Variants in CTSS observed in about 807,000 individuals in gnomAD.
CTSS encodes the protein cathepsin S.
A neutral mutation model predicts 39.9 loss-of-function variants in CTSS; 15 were observed. The ratio of observed to expected loss-of-function variants is 0.38; its 90% CI spans 0.25 to 0.58. CTSS has a LOEUF of 0.58. Among genes scored for constraint, CTSS ranks in the 20% least tolerant of loss-of-function variants. The pLI, the probability that CTSS is intolerant of heterozygous loss-of-function variation, is 0.70. For missense variants in CTSS, 250 were observed against 398.2 expected, an observed-to-expected ratio of 0.63 and a Z score of 3.17; for synonymous variants, 126 against 138.2, an observed-to-expected ratio of 0.91 and a Z score of 0.62.
chr1:150,754,869 G>A, intron 4 of CTSS, 132 bp downstream of exon 4: 1 of 945,218 alleles, frequency 1.1e-6, no homozygotes, highest in African/African-American at 1.6e-5. Flanking sequence ...ATTTAGTTGG[G>A]AAGACAAGAA....
At chr1:150,746,642 T>C (rs1178838548) in intron 7 of CTSS, among the ~76,000 whole-genome samples, 3 of 152,156 alleles carry the variant, frequency 2.0e-5, no homozygotes, top group African/African-American at 7.2e-5. Flanking sequence ...GAATAGATTG[T>C]GCCTGAGCTA....
chr1:150,747,819 T>C lies in CTSS; in HGVS notation c.854A>G (p.Tyr285Cys), dbSNP rs1571098600. 1 of 1,613,826 alleles carries C rather than the reference T, an allele frequency of 6.2e-7. No individual in the cohort carries two copies. The highest frequency in any genetic ancestry group is 8.5e-7 in the Non-Finnish European group (1 of 1,179,794). Residue 285 changes from tyrosine (Y) to cysteine (C), a missense_variant, in exon 7 of 8, where the codon TAT (tyrosine) becomes TGT (cysteine). Physicochemically the swap from Tyr to Cys is radical, Grantham distance 194 (BLOSUM62 -2). Transcript: ENST00000368985. ...GTATTCTTTCCCATTAAGATCACCA[T>C]AGCCAACCACAAGTACACCATGATT... ...NVNHGVLVVG[Y>C]GDLNGKEYWL...
At chr1:150,754,920 T>G (rs1653085860) in intron 4 of CTSS, 81 bp downstream of exon 4, 2 of 1,420,038 alleles carry the variant, frequency 1.4e-6, no homozygotes, top group Middle Eastern at 1.9e-4. Context: ...GACTGTAAGA[T>G]TCACTGTCAA....
intron 7 of CTSS, among the ~76,000 whole-genome samples, chr1:150,738,653 A>T (rs981306519): frequency 1.4e-5 from 2 of 146,096 alleles, no homozygotes; most frequent in Non-Finnish European, 1.5e-5. Flanking sequence ...CAGGGTAATT[A>T]AAAAAAAAAA....
At chr1:150,758,478 G>A (rs1653180823) in intron 2 of CTSS, among the ~76,000 whole-genome samples, 1 of 149,778 alleles carries the variant, frequency 6.7e-6, no homozygotes, top group Non-Finnish European at 1.5e-5. Flanking sequence ...CTGCTTTGAT[G>A]GTTTAATATT....
At chr1:150,742,554 G>C (rs1401122854) in intron 7 of CTSS, among the ~76,000 whole-genome samples, 1 of 152,122 alleles carries the variant, frequency 6.6e-6, no homozygotes, top group African/African-American at 2.4e-5. Flanking sequence ...CAGGAGTTTG[G>C]ACTTCATTTT....
intron 7 of CTSS, among the ~76,000 whole-genome samples, chr1:150,739,823 C>G (rs1455987647): frequency 6.6e-6 from 1 of 152,188 alleles, no homozygotes; most frequent in Non-Finnish European, 1.5e-5. Flanking sequence ...TAATCCAGAG[C>G]AAGGCCCTAA....
intron 3 of CTSS, 55 bp downstream of exon 3, chr1:150,757,803 A>G (rs2275235): frequency 0.36 from 573,519 of 1,571,476 alleles, 106,920 homozygotes; most frequent in South Asian, 0.52. Context: ...GGGGAGACAG[A>G]AAGGAAATGA....
Position 150,730,194 on chromosome 1 carries a change from GA to G in CTSS, c.*2851del, listed in dbSNP as rs1170335642. Reference sequence around the variant, plus strand: ...TATAACAAAAGAGAGATTAGCAAGAGAAAAGCATGCACATTTATTTAATATA... The same window carrying G: ...TATAACAAAAGAGAGATTAGCAAGAGAAAGCATGCACATTTATTTAATATA... On this transcript the variant is annotated 3_prime_UTR_variant, in exon 8 of 8. Transcript: ENST00000368985. 6.6e-6 allele frequency: 1 copy of G among 152,116 alleles called. No homozygotes were observed. The highest frequency in any genetic ancestry group is 1.5e-5 in the Non-Finnish European group (1 of 68,022). 9.4% of individuals were successfully genotyped at this position (152,116 alleles called of 1,614,324 possible).
intron 7 of CTSS, among the ~76,000 whole-genome samples, chr1:150,733,600 A>G (rs780439567): frequency 7.2e-5 from 11 of 152,300 alleles, no homozygotes; most frequent in Non-Finnish European, 1.0e-4. Context: ...TTCTAAAGCA[A>G]ACAACAAAAA....
At chr1:150,736,725 C>G (rs751426314) in intron 7 of CTSS, among the ~76,000 whole-genome samples, 1 of 152,018 alleles carries the variant, frequency 6.6e-6, no homozygotes, top group Non-Finnish European at 1.5e-5. Context: ...GATCCCAGAC[C>G]TCTTTTTGAC....
intron 7 of CTSS, among the ~76,000 whole-genome samples, chr1:150,742,238 A>G (rs888844644): frequency 2.0e-5 from 3 of 152,046 alleles, no homozygotes; most frequent in Non-Finnish European, 4.4e-5. Flanking sequence ...GCCTGGTGAC[A>G]GAGTGAGACT....
chr1:150,759,489 C>T (rs1417051098), intron 2 of CTSS, among the ~76,000 whole-genome samples: 1 of 152,118 alleles, frequency 6.6e-6, no homozygotes, highest in Non-Finnish European at 1.5e-5. Flanking sequence ...TTTCAGATTA[C>T]TGATTCTATC....
rs749050092 is a variant in CTSS, at chr1:150,757,854, C to G, written c.249+4G>C. 8 of 1,612,288 alleles carry G rather than the reference C, an allele frequency of 5.0e-6. No individual in the cohort carries two copies. The African/African-American group carries it at 5.3e-5, about 11-fold the overall frequency. ...GAAAGTGGGATTTCTTGTAATGTAC[C>G]TACCATGTCTCCCAGGTGGTTCATG... On this transcript the variant is annotated splice_donor_region_variant and intron_variant, in intron 3 of 7. Transcript: ENST00000368985.
intron 5 of CTSS, 55 bp from the exon 6 acceptor site, chr1:150,750,226 C>A: frequency 7.2e-7 from 1 of 1,387,052 alleles, no homozygotes; most frequent in Admixed American, 2.0e-5. Flanking sequence ...GTATAAATCA[C>A]CTGTATCCTA....
At chr1:150,751,224 G>T (rs1571100914) in intron 5 of CTSS, among the ~76,000 whole-genome samples, 1 of 152,080 alleles carries the variant, frequency 6.6e-6, no homozygotes, top group South Asian at 2.1e-4. Flanking sequence ...TAAATACAGA[G>T]AAATAATTTT....
At chr1:150,763,827 G>A (rs1177177555) in intron 2 of CTSS, among the ~76,000 whole-genome samples, 1 of 152,136 alleles carries the variant, frequency 6.6e-6, no homozygotes, top group East Asian at 1.9e-4. Flanking sequence ...CACTATGTGG[G>A]TATTAACGCC....
chr1:150,735,970 G>C (rs587649987), intron 7 of CTSS, among the ~76,000 whole-genome samples: 1 of 152,038 alleles, frequency 6.6e-6, no homozygotes, highest in Non-Finnish European at 1.5e-5. Flanking sequence ...GTGTTAGCCA[G>C]GATGGTCTCG....
At chr1:150,738,610 A>C (rs1652683291) in intron 7 of CTSS, among the ~76,000 whole-genome samples, 1 of 151,718 alleles carries the variant, frequency 6.6e-6, no homozygotes, top group Non-Finnish European at 1.5e-5. Flanking sequence ...CAGCCTCCCA[A>C]GTAGCTGGGA....
Sources: gnomAD v4.1 joint callset for allele counts (sites outside exome capture counted in the v4.1 genomes callset) on GRCh38, gnomAD v4.1.1 for gene constraint, MANE v1.5 for transcripts, NCBI Gene and HGNC (gene_info 2026-07-23, HGNC 2026-07-21) for gene names.